TAOK1: variants seen among roughly 807,000 people sequenced by gnomAD.
The protein encoded by TAOK1 is TAO kinase 1.
TAOK1 carries 21 observed loss-of-function variants against 138.3 expected under a neutral mutation model. The observed-to-expected ratio is 0.15, with a 90% CI of 0.11 to 0.22. The LOEUF (loss-of-function observed/expected upper bound fraction) is 0.22. Among genes scored for constraint, TAOK1 ranks in the 10% least tolerant of loss-of-function variants. TAOK1 has a pLI of 1.00. For missense variants in TAOK1, 651 were observed against 1,227.7 expected, an observed-to-expected ratio of 0.53 and a Z score of 7.02; for synonymous variants, 361 against 398.4, an observed-to-expected ratio of 0.91 and a Z score of 1.12.
At chr17:29,435,869 G>A (rs1906013615) in intron 1 of TAOK1, among the ~76,000 whole-genome samples, 3 of 152,170 alleles carry the variant, frequency 2.0e-5, no homozygotes, top group Non-Finnish European at 2.9e-5. Flanking sequence ...GGTGGCTCAC[G>A]CCTGTAATCC....
intron 8 of TAOK1, among the ~76,000 whole-genome samples, chr17:29,487,733 T>C: frequency 6.6e-6 from 1 of 152,222 alleles, no homozygotes; most frequent in Non-Finnish European, 1.5e-5. Flanking sequence ...ACTTATTAAA[T>C]AAAATAAAAA....
At chr17:29,448,125 A>G (rs996379068) in intron 1 of TAOK1, among the ~76,000 whole-genome samples, 2 of 151,062 alleles carry the variant, frequency 1.3e-5, no homozygotes, top group Non-Finnish European at 2.9e-5. Context: ...TAGATCATAG[A>G]TAAGTTTCTT....
At chr17:29,517,316 C>T in intron 15 of TAOK1, 137 bp from the exon 16 acceptor site, 9 of 724,294 alleles carry the variant, frequency 1.2e-5, no homozygotes, top group South Asian at 5.5e-5. Flanking sequence ...GAGACAGTTT[C>T]GCCATGTTGG....
Position 29,412,964 on chromosome 17 carries a change from T to C in TAOK1, c.-95+21940T>C, listed in dbSNP as rs1905181834. ...TACAAATTTGGTATGAATATGCACA[T>C]GTGCATTTTTCTAGGGTAAGAATTC... On this transcript the variant is annotated intron_variant, in intron 1 of 19. Coordinates refer to ENST00000261716, the MANE Select transcript of TAOK1 (RefSeq NM_020791.4). Among the ~76,000 whole-genome samples, 8 of 152,344 alleles carry C rather than the reference T, an allele frequency of 5.3e-5. No individual in the cohort carries two copies. The South Asian group carries it at 1.7e-3, about 32-fold the overall frequency.
intron 1 of TAOK1, among the ~76,000 whole-genome samples, chr17:29,392,017 C>T (rs916981930): frequency 1.3e-5 from 2 of 152,138 alleles, no homozygotes; most frequent in African/African-American, 2.4e-5. Context: ...GAGATCGAGA[C>T]CATCCTGGCT....
rs559138175 is a variant in TAOK1, at chr17:29,531,044, C to T, written c.2361+425C>T. 7.3e-3 allele frequency among the ~76,000 whole-genome samples: 1,053 copies of T among 143,786 alleles called. 7 individuals are homozygous for T. The highest frequency in any genetic ancestry group is 0.01 in the Non-Finnish European group (682 of 66,886). The allele number at this position is 143,786 out of a possible 152,430, so 94.3% of individuals were successfully genotyped here. ...TGGCGCGATCTCGGCTCACTGCAAG[C>T]TCCGCCTCCCGGGTTCACGCCATTC... On this transcript the variant is annotated intron_variant, in intron 18 of 19. Coordinates refer to ENST00000261716, the MANE Select transcript of TAOK1 (RefSeq NM_020791.4).
intron 12 of TAOK1, among the ~76,000 whole-genome samples, chr17:29,500,156 A>T (rs1372593000): frequency 6.6e-6 from 1 of 151,936 alleles, no homozygotes; most frequent in Non-Finnish European, 1.5e-5. Flanking sequence ...CCGCAAAAAA[A>T]TTTAAAAATT....
At chr17:29,397,647 T>TTCATGTATGATACATGTATACATGCATAC (rs1384681685) in intron 1 of TAOK1, among the ~76,000 whole-genome samples, 5 of 61,598 alleles carry the variant, frequency 8.1e-5, no homozygotes, top group African/African-American at 2.7e-4. Flanking sequence ...TACATGTATA[T>TTCATGTATGATACATGTATACATGCATAC]ATGTATATTC....
intron 8 of TAOK1, among the ~76,000 whole-genome samples, chr17:29,486,169 G>A (rs951939575): frequency 6.6e-6 from 1 of 151,982 alleles, no homozygotes; most frequent in Admixed American, 6.6e-5. Flanking sequence ...TGCACCTGTA[G>A]TCCCAGCTGC....
chr17:29,402,253 A>G (rs1598465040), intron 1 of TAOK1, among the ~76,000 whole-genome samples: 1 of 152,274 alleles, frequency 6.6e-6, no homozygotes, highest in African/African-American at 2.4e-5. Context: ...GTCACACACT[A>G]TGTGTGAGTG....
At chr17:29,487,864 A>C (rs903278961) in intron 8 of TAOK1, among the ~76,000 whole-genome samples, 2 of 152,224 alleles carry the variant, frequency 1.3e-5, no homozygotes, top group Non-Finnish European at 2.9e-5. Flanking sequence ...AAAGGAGAAA[A>C]GAGAAACTTT....
intron 18 of TAOK1, among the ~76,000 whole-genome samples, chr17:29,532,818 A>G (rs538770208): frequency 6.6e-6 from 1 of 151,904 alleles, no homozygotes; most frequent in South Asian, 2.1e-4. Flanking sequence ...TATTCCACAA[A>G]ACCGCCATTG....
At chr17:29,394,609 T>C (rs993474938) in intron 1 of TAOK1, among the ~76,000 whole-genome samples, 7 of 152,258 alleles carry the variant, frequency 4.6e-5, no homozygotes, top group African/African-American at 1.4e-4. Context: ...TGCATTTGGC[T>C]TATTTGTATA....
intron 7 of TAOK1, among the ~76,000 whole-genome samples, chr17:29,481,103 T>C (rs2153026824): frequency 6.6e-6 from 1 of 152,228 alleles, no homozygotes; most frequent in East Asian, 1.9e-4. Flanking sequence ...GATAATTTTC[T>C]TTAATAAATG....
rs2032442704 is a variant in TAOK1, at chr17:29,548,678, A to G, written c.*5656A>G. The G allele has an allele frequency of 1.3e-5, 2 of 152,174 alleles. No homozygotes were observed. Among genetic ancestry groups the G allele is most frequent in the Admixed American group, 1.3e-4 (2 of 15,264 alleles). The allele number at this position is 152,174 out of a possible 1,614,324, so 9.4% of individuals were successfully genotyped here. A position where few individuals can be genotyped will look rare whatever the true frequency, so the allele number is the denominator to read the frequency against. ...CAGTTTTCTTTCACTCAAAGTGTTC[A>G]GCACTTGTGAGTGAAAAATCATGTA... On this transcript the variant is annotated 3_prime_UTR_variant, in exon 20 of 20. Coordinates refer to ENST00000261716, the MANE Select transcript of TAOK1 (RefSeq NM_020791.4).
intron 15 of TAOK1, among the ~76,000 whole-genome samples, chr17:29,516,903 A>G (rs991655148): frequency 1.3e-5 from 2 of 151,254 alleles, no homozygotes; most frequent in African/African-American, 4.9e-5. Context: ...ACTCACTGCA[A>G]CCCCTGCCTC....
At chr17:29,405,033 G>A (rs755296999) in intron 1 of TAOK1, among the ~76,000 whole-genome samples, 3 of 152,086 alleles carry the variant, frequency 2.0e-5, no homozygotes, top group Non-Finnish European at 4.4e-5. Flanking sequence ...AGGCTGGAGC[G>A]CAATGGCATG....
intron 19 of TAOK1, among the ~76,000 whole-genome samples, chr17:29,536,406 T>TG (rs918446231): frequency 1.3e-5 from 2 of 151,934 alleles, no homozygotes; most frequent in African/African-American, 4.8e-5. Context: ...GAAACCATCC[T>TG]GGCTAACACG....
At chr17:29,518,752 T>TTATC (rs1412359402) in intron 16 of TAOK1, among the ~76,000 whole-genome samples, 45 of 135,590 alleles carry the variant, frequency 3.3e-4, no homozygotes, top group East Asian at 2.9e-3. Context: ...TATTTTTACT[T>TTATC]TATCTATTTA....
Sources: allele counts gnomAD v4.1 joint callset (sites outside exome capture counted in the v4.1 genomes callset), GRCh38; gene constraint gnomAD v4.1.1; transcripts MANE v1.5; gene names NCBI Gene and HGNC (gene_info 2026-07-23, HGNC 2026-07-21).